The following RCC1L variants were observed in gnomAD, a reference collection of about 807,000 sequenced individuals.
RCC1L encodes the protein RCC1 like, also known as RCC1-like G exchanging factor-like protein.
Under a neutral mutation model 58.6 loss-of-function variants are expected in RCC1L, and 46 were observed. The ratio of observed to expected loss-of-function variants is 0.79; its 90% CI spans 0.62 to 1.00. The LOEUF (loss-of-function observed/expected upper bound fraction) is 1.00. RCC1L is among the 50% of genes least tolerant of loss of function. The pLI is 0.00. For missense variants in RCC1L, 636 were observed against 623.6 expected (o/e 1.02, Z -0.21); for synonymous variants, 281 against 262.9 (o/e 1.07, Z -0.67).
At chr7:75,069,471 T>C (rs971467375) in intron 2 of RCC1L, among the ~76,000 whole-genome samples, 1 of 152,132 alleles carries the variant, frequency 6.6e-6, no homozygotes, top group South Asian at 2.1e-4. Flanking sequence ...CCTCCCAAAG[T>C]GCTGGGATTA....
chr7:75,060,835 C>T lies in RCC1L; in HGVS notation c.787+372G>A, dbSNP rs927797817. Reference sequence around the variant, plus strand: ...AGTGGCTCCTGCCTGGAATCCCAGCCCACCAAGAGGCCACAGCAGGCAGAC... The same window carrying T: ...AGTGGCTCCTGCCTGGAATCCCAGCTCACCAAGAGGCCACAGCAGGCAGAC... On this transcript the variant is annotated intron_variant, in intron 6 of 10. Transcript: ENST00000610322. Among the ~76,000 whole-genome samples the T allele has an allele frequency of 2.0e-5, 3 of 152,012 alleles. 1 individual carries two copies. In the South Asian group the frequency reaches 6.2e-4, roughly 32 times the overall value.
At chr7:75,037,330 ATGTG>A, downstream of RCC1L, among the ~76,000 whole-genome samples, 1 of 151,916 alleles carries the variant, frequency 6.6e-6, no homozygotes, top group Non-Finnish European at 1.5e-5. Context: ...GATTACAGGC[ATGTG>A]CCAACATACC....
Position 75,073,590 on chromosome 7 carries a change from A to T in RCC1L, c.148T>A (p.Tyr50Asn). The T allele has an allele frequency of 6.5e-7, 1 of 1,530,238 alleles. No individual in the cohort carries two copies. Among genetic ancestry groups the T allele is most frequent in the Non-Finnish European group, 8.7e-7 (1 of 1,149,852 alleles). The allele number at this position is 1,530,238 out of a possible 1,614,324, so 94.8% of individuals were successfully genotyped here. Residue 50 changes from tyrosine (Y) to asparagine (N), a missense_variant, in exon 1 of 11, where the codon TAC (tyrosine) becomes AAC (asparagine). Tyr to Asn is a moderately radical substitution (Grantham distance 143). Transcript: ENST00000610322. ...EAEAEVPVVQ[Y>N]VGERAARADR... ...GCGCGGGCAGCGCGCTCGCCCACGT[A>T]CTGGACCACGGGCACCTCCGCCTCG...
chr7:75,030,214 C>T (rs941077983), intron 10 of RCC1L, among the ~76,000 whole-genome samples: 14 of 152,286 alleles, frequency 9.2e-5, no homozygotes, highest in Admixed American at 2.6e-4. Flanking sequence ...TTTATGCACA[C>T]GTTTGTGCAT....
intron 7 of RCC1L, 83 bp downstream of exon 7, chr7:75,058,505 A>G: frequency 6.6e-7 from 1 of 1,506,142 alleles, no homozygotes; most frequent in South Asian, 1.2e-5. Context: ...TGCTGGGATT[A>G]CAGGTGTGAG....
At chr7:75,060,972 A>G (rs1806258207) in intron 6 of RCC1L, among the ~76,000 whole-genome samples, 1 of 151,986 alleles carries the variant, frequency 6.6e-6, no homozygotes, top group Admixed American at 6.6e-5. Flanking sequence ...TACTCTGGAG[A>G]CTGTGGTGGG....
At chr7:75,040,902 C>T (rs1317947983), downstream of RCC1L, among the ~76,000 whole-genome samples, 1 of 152,118 alleles carries the variant, frequency 6.6e-6, no homozygotes, top group Non-Finnish European at 1.5e-5. Flanking sequence ...ACACTGCTGG[C>T]TGGGTGACCA....
At chr7:75,064,501 C>T (rs1020353685) in intron 4 of RCC1L, 81 bp downstream of exon 4, 25 of 1,537,562 alleles carry the variant, frequency 1.6e-5, no homozygotes, top group South Asian at 1.1e-4. Flanking sequence ...GACCGCCCCG[C>T]GGGTTTACCA....
At chr7:75,031,270 T>C (rs993732927) in intron 10 of RCC1L, among the ~76,000 whole-genome samples, 3 of 151,938 alleles carry the variant, frequency 2.0e-5, no homozygotes, top group Non-Finnish European at 4.4e-5. Context: ...CACAACCCCC[T>C]CCAACCCTCA....
intron 1 of RCC1L, among the ~76,000 whole-genome samples, chr7:75,072,691 C>T (rs1302895570): frequency 6.6e-6 from 1 of 152,124 alleles, no homozygotes; most frequent in African/African-American, 2.4e-5. Flanking sequence ...AAAATCAATC[C>T]TCTTTCAGCC....
chr7:75,037,344 C>G (rs1805451267), downstream of RCC1L, among the ~76,000 whole-genome samples: 1 of 151,916 alleles, frequency 6.6e-6, no homozygotes, highest in East Asian at 1.9e-4. Flanking sequence ...GCCAACATAC[C>G]CAGCTAATTT....
At chr7:75,049,232 G>A (rs1805834663) in intron 10 of RCC1L, among the ~76,000 whole-genome samples, 1 of 152,188 alleles carries the variant, frequency 6.6e-6, no homozygotes, top group South Asian at 2.1e-4. Flanking sequence ...ACCCAAGCCA[G>A]TGACTCACCC....
rs587700768 is a variant in RCC1L at position 75,067,158 on chromosome 7, G to A, written c.455-366C>T. On this transcript the variant is annotated intron_variant, in intron 2 of 10. Transcript: ENST00000610322. ...TCTATTTAAAATACAAAAATTAGCC[G>A]GGCATGGTGGCGGGCGCCTCTAATC... 3.3e-5 allele frequency among the ~76,000 whole-genome samples: 5 copies of A among 152,014 alleles called. No individual in the cohort carries two copies. The East Asian group carries it at 7.7e-4, about 24-fold the overall frequency.
chr7:75,028,991 C>T (rs1031842895), intron 10 of RCC1L, among the ~76,000 whole-genome samples: 4 of 152,132 alleles, frequency 2.6e-5, no homozygotes, highest in Non-Finnish European at 5.9e-5. Context: ...GTGTGGCCTC[C>T]GGAAGCAGCA....
intron 10 of RCC1L, among the ~76,000 whole-genome samples, chr7:75,047,660 T>A (rs1049264660): frequency 2.7e-5 from 4 of 146,498 alleles, no homozygotes; most frequent in Admixed American, 6.7e-5. Flanking sequence ...ATATATATAT[T>A]TTTTGGAGAC....
chr7:75,044,778 T>C (rs1805670852), intron 10 of RCC1L, among the ~76,000 whole-genome samples: 1 of 151,946 alleles, frequency 6.6e-6, no homozygotes, highest in South Asian at 2.1e-4. Flanking sequence ...GGCTCACGCC[T>C]GTAATCCCAG....
At position 75,057,564 on chromosome 7, in the gene RCC1L, G is replaced by A; in HGVS notation, c.1022C>T (p.Ala341Val). 1 of 1,613,938 alleles carries A rather than the reference G, an allele frequency of 6.2e-7. No homozygotes were observed. Among genetic ancestry groups the A allele is most frequent in the Non-Finnish European group, 8.5e-7 (1 of 1,179,858 alleles). ...HFSGVGKVRQ[A>V]ACGGTGCAVL... ...TGCACAGCCCGTGCCACCGCATGCA[G>A]CCTGTCGCACCTTCCCCACTCCTGA... Residue 341 changes from alanine to valine, a missense_variant, in exon 8 of 11, where the codon GCT (alanine) becomes GTT (valine). Physicochemically the swap from Ala to Val is moderately conservative, Grantham distance 64 (BLOSUM62 0). Coordinates refer to ENST00000610322, the MANE Select transcript of RCC1L (RefSeq NM_030798.5).
At chr7:75,050,856 C>G (rs587692926) in intron 10 of RCC1L, among the ~76,000 whole-genome samples, 1 of 152,166 alleles carries the variant, frequency 6.6e-6, no homozygotes, top group Admixed American at 6.5e-5. Flanking sequence ...CTTTGGGAAG[C>G]TGAGGGAGGC....
chr7:75,068,489 C>T (rs1268551463), intron 2 of RCC1L, among the ~76,000 whole-genome samples: 4 of 152,070 alleles, frequency 2.6e-5, no homozygotes, highest in African/African-American at 7.2e-5. Flanking sequence ...AGTTCAACAC[C>T]AACCTGGCCA....
Sources: gnomAD v4.1 joint callset for allele counts (sites outside exome capture counted in the v4.1 genomes callset) on GRCh38, gnomAD v4.1.1 for gene constraint, MANE v1.5 for transcripts, NCBI Gene and HGNC (gene_info 2026-07-23, HGNC 2026-07-21) for gene names.